ARL8A: variants seen among roughly 807,000 people sequenced by gnomAD.
The protein encoded by ARL8A is ARF like GTPase 8A, also known as ADP-ribosylation factor-like protein 8A.
ARL8A carries 10 observed loss-of-function variants against 31.2 expected under a neutral mutation model. The ratio of observed to expected loss-of-function variants is 0.32; its 90% confidence interval spans 0.20 to 0.54. ARL8A has a LOEUF of 0.54. Among genes scored for constraint, ARL8A ranks in the 20% least tolerant of loss-of-function variants. ARL8A has a pLI of 0.93. For missense variants in ARL8A, 129 were observed against 242.8 expected (o/e 0.53, Z 3.12); for synonymous variants, 70 against 86.9 (o/e 0.81, Z 1.08).
chr1:202,140,902 CTCAG>C (rs1322258704), intron 1 of ARL8A, among the ~76,000 whole-genome samples: 1 of 152,146 alleles, frequency 6.6e-6, no homozygotes, highest in Admixed American at 6.5e-5. Flanking sequence ...TTCTCTGGAC[CTCAG>C]TGTTTCTGAA....
At chr1:202,137,015 C>T (rs1054682801) in intron 3 of ARL8A, among the ~76,000 whole-genome samples, 8 of 151,998 alleles carry the variant, frequency 5.3e-5, no homozygotes, top group South Asian at 2.1e-4. Context: ...CCACCACGCC[C>T]AGCTAATTTT....
chr1:202,142,894 G>C (rs1306159950), intron 1 of ARL8A, among the ~76,000 whole-genome samples: 1 of 152,128 alleles, frequency 6.6e-6, no homozygotes, highest in East Asian at 1.9e-4. Context: ...AGGCCCAGCT[G>C]CATTTCTCAG....
chr1:202,135,704 G>T lies in ARL8A; in HGVS notation c.372+3C>A. The T allele has an allele frequency of 6.2e-7, 1 of 1,613,642 alleles. No individual in the cohort carries two copies. The highest frequency in any genetic ancestry group is 1.1e-5 in the South Asian group (1 of 91,044). ...CCCATCCCGCTCCCTCAGGTCTGCTGACCGGGATGCCCTGCAGCTGAGGTT... is the reference window on the plus strand; with the variant it reads ...CCCATCCCGCTCCCTCAGGTCTGCTTACCGGGATGCCCTGCAGCTGAGGTT... On this transcript the variant is annotated splice_donor_region_variant and intron_variant, in intron 4 of 6. Coordinates refer to ENST00000272217, the MANE Select transcript of ARL8A (RefSeq NM_138795.4). This position sits in a 1 kb window ranked among gnomAD's most constrained non-coding sequence, Gnocchi z 5.3.
In ARL8A at chr1:202,135,144, A is replaced by G; in HGVS notation, c.511+6T>C. The G allele has an allele frequency of 6.2e-7, 1 of 1,612,658 alleles. No individual in the cohort carries two copies. Among genetic ancestry groups the G allele is most frequent in the Non-Finnish European group, 8.5e-7 (1 of 1,178,812 alleles). ...CCCTCTCCTCCCTTTCCCCCATCCT[A>G]CGCACCAATGTTGTCCTTTTCTTTG... On this transcript the variant is annotated splice_donor_region_variant and intron_variant, in intron 6 of 6. Transcript: ENST00000272217. The surrounding 1 kb of genome is among the most constrained non-coding windows in gnomAD (Gnocchi z 5.3).
Position 202,138,519 on chromosome 1 carries a change from G to A in ARL8A, c.124-71C>T, listed in dbSNP as rs1033470661. ...CCCCCACCGCAGACCAAGAGGCTGC[G>A]AGAACCATGCAGAGGCCAGGCCAGA... On this transcript the variant is annotated intron_variant, in intron 1 of 6. Coordinates refer to ENST00000272217, the MANE Select transcript of ARL8A (RefSeq NM_138795.4). This position sits in a 1 kb window ranked among gnomAD's most constrained non-coding sequence, Gnocchi z 4.4. 17 of 1,460,132 alleles carry A rather than the reference G, an allele frequency of 1.2e-5. No homozygotes were observed. The highest frequency in any genetic ancestry group is 8.4e-5 in the African/African-American group (6 of 71,664). 90.4% of individuals were successfully genotyped at this position (1,460,132 alleles called of 1,614,324 possible).
intron 1 of ARL8A, among the ~76,000 whole-genome samples, chr1:202,143,264 A>G (rs1655209094): frequency 6.6e-6 from 1 of 152,188 alleles, no homozygotes; most frequent in Admixed American, 6.5e-5. Context: ...TTCATGCCTC[A>G]GGTCCAATGA....
chr1:202,143,061 A>G lies in ARL8A; in HGVS notation c.123+1389T>C, dbSNP rs115097470. On this transcript the variant is annotated intron_variant, in intron 1 of 6. Coordinates refer to ENST00000272217, the MANE Select transcript of ARL8A (RefSeq NM_138795.4). ...GGCAGAGCCTAGGCAGACAGAGCCC[A>G]GGGGTGTTAGCTCCGAAAATTACTG... 5.0e-3 allele frequency among the ~76,000 whole-genome samples: 756 copies of G among 152,322 alleles called. 7 individuals are homozygous for G. The highest frequency in any genetic ancestry group is 0.017 in the African/African-American group (718 of 41,572).
chr1:202,133,533 G>A lies in ARL8A; in HGVS notation c.*934C>T, dbSNP rs1230068660. ...GCTGAAAAGTGTAAAAAAGGAAGAG[G>A]AACATCACTTTACAAATCATTAAAT... is the stretch of plus-strand genomic sequence containing the variant. On this transcript the variant is annotated 3_prime_UTR_variant, in exon 7 of 7. Coordinates refer to ENST00000272217, the MANE Select transcript of ARL8A (RefSeq NM_138795.4). The A allele has an allele frequency of 1.3e-5, 2 of 152,182 alleles. No individual in the cohort carries two copies. Among genetic ancestry groups the A allele is most frequent in the African/African-American group, 4.8e-5 (2 of 41,446 alleles). The allele number at this position is 152,182 out of a possible 1,614,324, so 9.4% of individuals were successfully genotyped here.
At position 202,135,091 on chromosome 1, in the gene ARL8A, G is replaced by A. The variant is rs1654968347; in HGVS notation, c.511+59C>T. ...AAAGTTGTGGAGCGAGAACCTGAGA[G>A]CCACTAAAACACTCAGAAATGCCTC... On this transcript the variant is annotated intron_variant, in intron 6 of 6. Transcript: ENST00000272217. The surrounding 1 kb of genome is among the most constrained non-coding windows in gnomAD (Gnocchi z 5.3). 33 of 1,512,498 alleles carry A rather than the reference G, an allele frequency of 2.2e-5. No homozygotes were observed. The highest frequency in any genetic ancestry group is 2.9e-5 in the Non-Finnish European group (32 of 1,088,600). 93.7% of individuals were successfully genotyped at this position (1,512,498 alleles called of 1,614,324 possible).
intron 1 of ARL8A, among the ~76,000 whole-genome samples, chr1:202,139,869 A>T (rs1655120982): frequency 6.6e-6 from 1 of 151,742 alleles, no homozygotes; most frequent in Non-Finnish European, 1.5e-5. Context: ...GATGGTCTTG[A>T]ACTCCTGACC....
At position 202,135,780 on chromosome 1, in the gene ARL8A, T is replaced by C; in HGVS notation, c.299A>G (p.Asp100Gly). Residue 100 changes from aspartate to glycine, a missense_variant, in exon 4 of 7, where the codon GAC (aspartate) becomes GGC (glycine). Transcript: ENST00000272217. The surrounding 1 kb of genome is among the most constrained non-coding windows in gnomAD (Gnocchi z 5.3). ...CTTAGAGGCCTCAATCTTCTCCTGG[T>C]CAGCAGCATCCACCATGTACCTGGG... ...SAIVYMVDAA[D>G]QEKIEASKNE... 1.2e-6 allele frequency: 2 copies of C among 1,614,124 alleles called. No individual in the cohort carries two copies. Among genetic ancestry groups the C allele is most frequent in the Non-Finnish European group, 1.7e-6 (2 of 1,180,002 alleles).
Position 202,134,730 on chromosome 1 carries a change from A to ACGC in ARL8A, c.512-217_512-215dup, listed in dbSNP as rs1008266477. On this transcript the variant is annotated intron_variant, in intron 6 of 6. Coordinates refer to ENST00000272217, the MANE Select transcript of ARL8A (RefSeq NM_138795.4). The surrounding 1 kb of genome is among the most constrained non-coding windows in gnomAD (Gnocchi z 4.2). ...TTGGAGGCTGCAGTGAGCTATGGTCACGCCACTGAACTCCAGCCTGGGTGA... is the reference window on the plus strand; with the variant it reads ...TTGGAGGCTGCAGTGAGCTATGGTCACGCCGCCACTGAACTCCAGCCTGGGTGA... Among the ~76,000 whole-genome samples the ACGC allele has an allele frequency of 2.0e-5, 3 of 152,146 alleles. No individual in the cohort carries two copies. Among genetic ancestry groups the ACGC allele is most frequent in the African/African-American group, 7.2e-5 (3 of 41,430 alleles).
At chr1:202,141,421 C>T (rs1655161121) in intron 1 of ARL8A, among the ~76,000 whole-genome samples, 1 of 151,994 alleles carries the variant, frequency 6.6e-6, no homozygotes, top group African/African-American at 2.4e-5. Context: ...GCAGGCAGAT[C>T]ACCTGAGGTC....
Position 202,134,603 on chromosome 1 carries a change from G to T in ARL8A, c.512-87C>A, listed in dbSNP as rs2147809835. On this transcript the variant is annotated intron_variant, in intron 6 of 6. Coordinates refer to ENST00000272217, the MANE Select transcript of ARL8A (RefSeq NM_138795.4). The surrounding 1 kb of genome is among the most constrained non-coding windows in gnomAD (Gnocchi z 4.2). ...GAGAGGCCCAAGAAACCAAACCTAA[G>T]GGTATCAGAAGTCCAGAGATGCCAG... 1.6e-6 allele frequency: 2 copies of T among 1,273,550 alleles called. No individual in the cohort carries two copies. The highest frequency in any genetic ancestry group is 2.3e-6 in the Non-Finnish European group (2 of 871,524). The allele number at this position is 1,273,550 out of a possible 1,614,324, so 78.9% of individuals were successfully genotyped here.
chr1:202,144,077 T>TTG lies in ARL8A; in HGVS notation c.123+372_123+373insCA, dbSNP rs1436975632. 5.9e-5 allele frequency among the ~76,000 whole-genome samples: 9 copies of TTG among 152,110 alleles called. No homozygotes were observed. Among genetic ancestry groups the TTG allele is most frequent in the Admixed American group, 5.9e-4 (9 of 15,286 alleles). ...CGCGGGACAGGAAGGCCCGTGCACT[T>TTG]TCGCCCCGTCATGCCCCCTTGCGCG... On this transcript the variant is annotated intron_variant, in intron 1 of 6. Coordinates refer to ENST00000272217, the MANE Select transcript of ARL8A (RefSeq NM_138795.4). The surrounding 1 kb of genome is among the most constrained non-coding windows in gnomAD (Gnocchi z 5.2).
intron 1 of ARL8A, among the ~76,000 whole-genome samples, chr1:202,141,642 CAA>C (rs919925890): frequency 6.0e-5 from 6 of 100,212 alleles, no homozygotes; most frequent in East Asian, 2.8e-4. Context: ...CACTCTGTCT[CAA>C]AAAAAAAAAA....
chr1:202,138,161 T>C lies in ARL8A; in HGVS notation c.205-123A>G. On this transcript the variant is annotated intron_variant, in intron 2 of 6. Transcript: ENST00000272217. This position sits in a 1 kb window ranked among gnomAD's most constrained non-coding sequence, Gnocchi z 4.4. ...CTGCCTCCCCGGCTTCCTCTCCAGTTCTCCCCCGTCTCCACCCGCTCTCCG... is the reference window on the plus strand; with the variant it reads ...CTGCCTCCCCGGCTTCCTCTCCAGTCCTCCCCCGTCTCCACCCGCTCTCCG... 1 of 1,200,284 alleles carries C rather than the reference T, an allele frequency of 8.3e-7. No homozygotes were observed. Among genetic ancestry groups the C allele is most frequent in the Admixed American group, 1.9e-5 (1 of 51,490 alleles). The allele number at this position is 1,200,284 out of a possible 1,614,324, so 74.4% of individuals were successfully genotyped here.
In ARL8A at chr1:202,134,158, G is replaced by A; in HGVS notation, c.*309C>T. ...GAGAGTGTTGAAAAGGGAGGTACAA[G>A]AGCGGGCCGGGGAAAAGCCAGGGGC... is the stretch of plus-strand genomic sequence containing the variant. On this transcript the variant is annotated 3_prime_UTR_variant, in exon 7 of 7. Transcript: ENST00000272217. The surrounding 1 kb of genome is among the most constrained non-coding windows in gnomAD (Gnocchi z 4.2). 2.3e-6 allele frequency: 1 copy of A among 430,856 alleles called. No individual in the cohort carries two copies. Among genetic ancestry groups the A allele is most frequent in the South Asian group, 2.5e-5 (1 of 40,812 alleles). The allele number at this position is 430,856 out of a possible 1,614,324, so 26.7% of individuals were successfully genotyped here. A position where few individuals can be genotyped will look rare whatever the true frequency, so the allele number is the denominator to read the frequency against.
In ARL8A at chr1:202,144,358, C is replaced by A; in HGVS notation, c.123+92G>T. On this transcript the variant is annotated intron_variant, in intron 1 of 6. Transcript: ENST00000272217. This position sits in a 1 kb window ranked among gnomAD's most constrained non-coding sequence, Gnocchi z 5.2. ...CCCGGCCGTGCCCGGCTATGCCAGG[C>A]GGCGACCCCGGCTCAGCAGGGCGCG... 2.2e-6 allele frequency: 2 copies of A among 902,032 alleles called. No individual in the cohort carries two copies. Among genetic ancestry groups the A allele is most frequent in the Non-Finnish European group, 2.7e-6 (2 of 750,136 alleles). The allele number at this position is 902,032 out of a possible 1,614,324, so 55.9% of individuals were successfully genotyped here.
Sources: gnomAD v4.1 joint callset for allele counts (sites outside exome capture counted in the v4.1 genomes callset) on GRCh38, gnomAD v4.1.1 for gene constraint, Gnocchi (gnomAD v3.1) non-coding constraint, MANE v1.5 for transcripts, NCBI Gene and HGNC (gene_info 2026-07-23, HGNC 2026-07-21) for gene names.